MYRF: variants seen among roughly 807,000 people sequenced by gnomAD.
MYRF encodes myelin gene regulatory factor.
In MYRF, 16 loss-of-function variants were observed where a neutral mutation model predicts 126.3. The ratio of observed to expected loss-of-function variants is 0.13; its 90% CI spans 0.09 to 0.19. MYRF has a LOEUF of 0.19. Among genes scored for constraint, MYRF ranks in the 10% least tolerant of loss-of-function variants. The pLI, the probability that MYRF is intolerant of heterozygous loss-of-function variation, is 1.00. For missense variants in MYRF, 1,104 were observed against 1,547.0 expected, an observed-to-expected ratio of 0.71 and a Z score of 4.80; for synonymous variants, 608 against 635.3, an observed-to-expected ratio of 0.96 and a Z score of 0.65.
chr11:61,778,454 G>A lies in MYRF; in HGVS notation c.1978G>A (p.Gly660Arg). 1 of 1,614,096 alleles carries A rather than the reference G, an allele frequency of 6.2e-7. No individual in the cohort carries two copies. The highest frequency in any genetic ancestry group is 8.5e-7 in the Non-Finnish European group (1 of 1,179,962). Residue 660 changes from glycine to arginine, a missense_variant, in exon 14 of 27, where the codon GGG becomes AGG. Physicochemically the swap from Gly to Arg is moderately radical, Grantham distance 125. Transcript: ENST00000278836. This position sits in a 1 kb window ranked among gnomAD's most constrained non-coding sequence, Gnocchi z 4.6. Reference sequence around the variant, plus strand: ...CACCGGAGACATGGTCTTTGCCAATGGGAAAACCATAGAGAACTTCCTGGT... The same window carrying A: ...CACCGGAGACATGGTCTTTGCCAATAGGAAAACCATAGAGAACTTCCTGGT... The part of the protein sequence containing the change: ...KDTGDMVFAN[G>R]KTIENFLVVN...
At position 61,780,785 on chromosome 11, in the gene MYRF, T is replaced by C; in HGVS notation, c.2479T>C (p.Cys827Arg). 6.5e-7 allele frequency: 1 copy of C among 1,546,054 alleles called. No individual in the cohort carries two copies. Among genetic ancestry groups the C allele is most frequent in the Non-Finnish European group, 8.7e-7 (1 of 1,147,498 alleles). The change falls in exon 19 of 27, where the codon TGC (cysteine) becomes CGC (arginine). Residue 827 changes from cysteine to arginine, a missense_variant. Physicochemically the swap from Cys to Arg is radical, Grantham distance 180 (BLOSUM62 -3). Coordinates refer to ENST00000278836, the MANE Select transcript of MYRF (RefSeq NM_001127392.3). ...GCCCCCTGGGGGGAGTGAGGCCTTG[T>C]GCCCATGGTACGTGCTGACCAGCGC... is the stretch of plus-strand genomic sequence containing the variant. ...PQPPGGSEALCPWSSQSFGTT... is the reference protein window; with the variant it reads ...PQPPGGSEALRPWSSQSFGTT...
chr11:61,767,693 G>A (rs1030888546), intron 3 of MYRF, among the ~76,000 whole-genome samples: 5 of 151,896 alleles, frequency 3.3e-5, no homozygotes, highest in African/African-American at 7.3e-5. Flanking sequence ...GTGTGGTGGC[G>A]TGTGCCTATA....
intron 1 of MYRF, among the ~76,000 whole-genome samples, chr11:61,753,103 C>T (rs979993069): frequency 1.3e-5 from 2 of 152,104 alleles, no homozygotes; most frequent in Admixed American, 6.5e-5. Flanking sequence ...GACACTCTCG[C>T]CCCCAGCAAA....
Position 61,777,948 on chromosome 11 carries a change from C to T in MYRF, c.1903+103C>T, listed in dbSNP as rs989984343. 3.4e-6 allele frequency: 3 copies of T among 884,436 alleles called. No individual in the cohort carries two copies. The highest frequency in any genetic ancestry group is 3.5e-6 in the Non-Finnish European group (2 of 563,692). 54.8% of individuals were successfully genotyped at this position (884,436 alleles called of 1,614,324 possible). A position where few individuals can be genotyped will look rare whatever the true frequency, so the allele number is the denominator to read the frequency against. ...TGGAAATCCTACTCCTCTTGACTCCCGGAACTGCGCCCCTGGGAATCATGC... is the reference window on the plus strand; with the variant it reads ...TGGAAATCCTACTCCTCTTGACTCCTGGAACTGCGCCCCTGGGAATCATGC... On this transcript the variant is annotated intron_variant, in intron 13 of 26. Coordinates refer to ENST00000278836, the MANE Select transcript of MYRF (RefSeq NM_001127392.3). This position sits in a 1 kb window ranked among gnomAD's most constrained non-coding sequence, Gnocchi z 8.8.
chr11:61,769,163 TGG>T, intron 3 of MYRF, 95 bp from the exon 4 acceptor site: 1 of 695,550 alleles, frequency 1.4e-6, no homozygotes, highest in Non-Finnish European at 2.5e-6. Context: ...CGCCAGCTTC[TGG>T]GGGGCTGTGG....
intron 20 of MYRF, 45 bp downstream of exon 20, chr11:61,781,090 T>C (rs755800546): frequency 1.2e-6 from 2 of 1,611,194 alleles, no homozygotes; most frequent in Non-Finnish European, 1.7e-6. Flanking sequence ...GGTTGCTATG[T>C]TCTGTCTTTG....
Position 61,778,291 on chromosome 11 carries a change from C to G in MYRF, c.1904-89C>G. The G allele has an allele frequency of 1.1e-6, 1 of 894,590 alleles. No homozygotes were observed. Among genetic ancestry groups the G allele is most frequent in the Non-Finnish European group, 1.9e-6 (1 of 531,160 alleles). The allele number at this position is 894,590 out of a possible 1,614,324, so 55.4% of individuals were successfully genotyped here. A position where few individuals can be genotyped will look rare whatever the true frequency, so the allele number is the denominator to read the frequency against. Reference sequence around the variant, plus strand: ...TCTCTGGGTTCCAGAACTTCACCCTCTCCAGTCTTGCTCCCACTGTACATT... The same window carrying G: ...TCTCTGGGTTCCAGAACTTCACCCTGTCCAGTCTTGCTCCCACTGTACATT... On this transcript the variant is annotated intron_variant, in intron 13 of 26. Coordinates refer to ENST00000278836, the MANE Select transcript of MYRF (RefSeq NM_001127392.3). The surrounding 1 kb of genome is among the most constrained non-coding windows in gnomAD (Gnocchi z 4.6).
At chr11:61,781,475 A>T in intron 21 of MYRF, 98 bp from the exon 22 acceptor site, 1 of 1,544,296 alleles carries the variant, frequency 6.5e-7, no homozygotes, top group East Asian at 2.3e-5. Context: ...GGACCAAGAG[A>T]CACATGGGGT....
At position 61,765,156 on chromosome 11, in the gene MYRF, C is replaced by T. The variant is rs547211479; in HGVS notation, c.47-469C>T. 9.2e-5 allele frequency among the ~76,000 whole-genome samples: 14 copies of T among 152,330 alleles called. No individual in the cohort carries two copies. In the South Asian group the frequency reaches 2.5e-3, roughly 27 times the overall value. On this transcript the variant is annotated intron_variant, in intron 1 of 26. Coordinates refer to ENST00000278836, the MANE Select transcript of MYRF (RefSeq NM_001127392.3). ...CATCTGGACTGACCCCTGGAGGACACGGCAGGACAGTGCCTGTTGGGTCCG... is the reference window on the plus strand; with the variant it reads ...CATCTGGACTGACCCCTGGAGGACATGGCAGGACAGTGCCTGTTGGGTCCG...
intron 1 of MYRF, among the ~76,000 whole-genome samples, chr11:61,753,369 CT>C (rs1398964884): frequency 6.6e-6 from 1 of 151,988 alleles, no homozygotes; most frequent in East Asian, 1.9e-4. Context: ...GGTAGGACCA[CT>C]TTCGAGCCTG....
chr11:61,774,027 C>T lies in MYRF; in HGVS notation c.1176C>T (p.Asp392=), dbSNP rs771182649. The change falls in exon 8 of 27, where the codon GAC becomes GAT. Residue 392 remains aspartate, a synonymous_variant. Coordinates refer to ENST00000278836, the MANE Select transcript of MYRF (RefSeq NM_001127392.3). ...GCTTCAACTTTTCGGTGGGCGACGA[C>T]GCCTTTGTGTGCCAGAAGAAGAACC... is the stretch of plus-strand genomic sequence containing the variant. ...DKGFNFSVGD[D]AFVCQKKNHF... 36 of 1,612,182 alleles carry T rather than the reference C, an allele frequency of 2.2e-5. No homozygotes were observed. The highest frequency in any genetic ancestry group is 4.4e-5 in the South Asian group (4 of 90,970).
chr11:61,770,635 G>C (rs1158491061), intron 5 of MYRF, 110 bp downstream of exon 5: 1 of 1,100,578 alleles, frequency 9.1e-7, no homozygotes, highest in Non-Finnish European at 1.3e-6. Context: ...GATGCACCCA[G>C]GGAGGGCAGA....
rs2066454237 is a variant in MYRF, at chr11:61,778,683, A to C, written c.2013+194A>C. 7.5e-6 allele frequency: 5 copies of C among 662,826 alleles called. No individual in the cohort carries two copies. The East Asian group carries it at 1.4e-4, about 19-fold the overall frequency. The allele number at this position is 662,826 out of a possible 1,614,324, so 41.1% of individuals were successfully genotyped here. A position where few individuals can be genotyped will look rare whatever the true frequency, so the allele number is the denominator to read the frequency against. ...TGTTCAAGGAGATGAGTGGGTAGGG[A>C]TTTGGCCCCTGGAGCCTGTGTGATC... On this transcript the variant is annotated intron_variant, in intron 14 of 26. Coordinates refer to ENST00000278836, the MANE Select transcript of MYRF (RefSeq NM_001127392.3). The surrounding 1 kb of genome is among the most constrained non-coding windows in gnomAD (Gnocchi z 4.6).
rs1352975811 is a variant in MYRF at position 61,778,657 on chromosome 11, G to C, written c.2013+168G>C. ...TCTGCACCCCACAGGGAAGGGGTGA[G>C]TGTTCAAGGAGATGAGTGGGTAGGG... On this transcript the variant is annotated intron_variant, in intron 14 of 26. Transcript: ENST00000278836. This position sits in a 1 kb window ranked among gnomAD's most constrained non-coding sequence, Gnocchi z 4.6. Among the ~76,000 whole-genome samples, 1 of 152,196 alleles carries C rather than the reference G, an allele frequency of 6.6e-6. No homozygotes were observed. Among genetic ancestry groups the C allele is most frequent in the African/African-American group, 2.4e-5 (1 of 41,448 alleles).
At chr11:61,769,580 G>A (rs1225217426) in intron 4 of MYRF, among the ~76,000 whole-genome samples, 3 of 152,216 alleles carry the variant, frequency 2.0e-5, no homozygotes, top group Admixed American at 1.3e-4. Flanking sequence ...ACCCTTCGGC[G>A]GTAAGTGGGT....
chr11:61,760,966 A>G (rs924391090), intron 1 of MYRF, among the ~76,000 whole-genome samples: 1 of 152,134 alleles, frequency 6.6e-6, no homozygotes, highest in Non-Finnish European at 1.5e-5. Flanking sequence ...AGATGCTCTG[A>G]GAGGACACTC....
chr11:61,780,604 G>A, intron 18 of MYRF, 108 bp from the exon 19 acceptor site: 1 of 1,131,626 alleles, frequency 8.8e-7, no homozygotes. Flanking sequence ...AGGGCCTTGG[G>A]CTCTGTGAGC....
In MYRF at chr11:61,774,147, G is replaced by A. The variant is rs746039812; in HGVS notation, c.1296G>A (p.Lys432=). Residue 432 remains lysine (K), a synonymous_variant, in exon 8 of 27, where the codon AAG becomes AAA. Transcript: ENST00000278836. ...AGCCCCTCGACTGCTTCTATCTGAA[G>A]CTGCACGGAGTGAAGGCAAGTTTGG... ...GLKPLDCFYL[K]LHGVKLEALN... The A allele has an allele frequency of 6.2e-7, 1 of 1,607,576 alleles. No homozygotes were observed. Among genetic ancestry groups the A allele is most frequent in the Non-Finnish European group, 8.5e-7 (1 of 1,175,290 alleles).
Position 61,771,941 on chromosome 11 carries a change from C to T in MYRF, c.1104C>T (p.Asn368=). The T allele has an allele frequency of 1.2e-6, 2 of 1,614,080 alleles. No individual in the cohort carries two copies. The highest frequency in any genetic ancestry group is 1.7e-6 in the Non-Finnish European group (2 of 1,179,966). The change falls in exon 7 of 27, where the codon AAC becomes AAT. Residue 368 remains asparagine (N), a synonymous_variant. Coordinates refer to ENST00000278836, the MANE Select transcript of MYRF (RefSeq NM_001127392.3). ...AGTGGGCGACCCTGTACGATGCTAA[C>T]TACAAGGAGCTGTGAGTGCCCTACA... The part of the protein sequence containing the change: ...QNKWATLYDA[N]YKELPMLTYR...
Sources: allele counts gnomAD v4.1 joint callset (sites outside exome capture counted in the v4.1 genomes callset), GRCh38; gene constraint gnomAD v4.1.1; non-coding constraint Gnocchi (gnomAD v3.1); transcripts MANE v1.5; gene names NCBI Gene and HGNC (gene_info 2026-07-23, HGNC 2026-07-21).